The following SGCZ variants were observed in gnomAD, a reference collection of about 807,000 sequenced individuals.
The protein encoded by SGCZ is zeta-sarcoglycan.
SGCZ carries 40 observed loss-of-function variants against 41.3 expected under a neutral mutation model. That is an observed-to-expected ratio of 0.97 (90% confidence interval 0.75 to 1.26). The LOEUF is 1.26. Among genes scored for constraint, SGCZ ranks in the 50% most tolerant of loss-of-function variants. The pLI, the probability that SGCZ is intolerant of heterozygous loss-of-function variation, is 0.00. For synonymous variants in SGCZ, 206 were observed against 137.5 expected, an observed-to-expected ratio of 1.50 and a Z score of -3.49; for missense variants, 552 against 369.8, an observed-to-expected ratio of 1.49 and a Z score of -4.04.
At chr8:14,988,937 A>G (rs1801918720) in intron 1 of SGCZ, among the ~76,000 whole-genome samples, 1 of 152,204 alleles carries the variant, frequency 6.6e-6, no homozygotes, top group Admixed American at 6.5e-5. Context: ...CGAAGCCTGG[A>G]AAAATGAGTA....
At chr8:15,010,485 T>C (rs1802784393) in intron 1 of SGCZ, among the ~76,000 whole-genome samples, 1 of 152,200 alleles carries the variant, frequency 6.6e-6, no homozygotes, top group African/African-American at 2.4e-5. Context: ...ATGTTGGTGG[T>C]CATTTCTGAG....
chr8:14,649,668 C>G (rs992956903), intron 1 of SGCZ, among the ~76,000 whole-genome samples: 1 of 152,044 alleles, frequency 6.6e-6, no homozygotes, highest in Admixed American at 6.6e-5. Flanking sequence ...TAAACACAAG[C>G]CTAATTGCTA....
intron 2 of SGCZ, among the ~76,000 whole-genome samples, chr8:14,343,461 G>A (rs1050336235): frequency 2.4e-4 from 37 of 152,186 alleles, no homozygotes; most frequent in African/African-American, 7.5e-4. Context: ...AAAGAGAGAT[G>A]AAGAGAGTTA....
intron 2 of SGCZ, among the ~76,000 whole-genome samples, chr8:14,553,219 T>C (rs1437958528): frequency 6.6e-6 from 1 of 151,954 alleles, no homozygotes; most frequent in Middle Eastern, 3.2e-3. Flanking sequence ...TTGTTGATAT[T>C]TGTGTCAAAA....
At chr8:15,035,161 AAC>A (rs1803829135) in intron 1 of SGCZ, among the ~76,000 whole-genome samples, 1 of 152,112 alleles carries the variant, frequency 6.6e-6, no homozygotes, top group Non-Finnish European at 1.5e-5. Context: ...TGCTAGGGGA[AAC>A]ACAATATAAA....
At chr8:15,097,835 CGTGTGTGTAT>C (rs1806418939) in intron 1 of SGCZ, among the ~76,000 whole-genome samples, 5 of 102,694 alleles carry the variant, frequency 4.9e-5, no homozygotes, top group Non-Finnish European at 9.5e-5. Flanking sequence ...TATATATATA[CGTGTGTGTAT>C]ATATATATAT....
intron 4 of SGCZ, among the ~76,000 whole-genome samples, chr8:14,192,283 A>G (rs905787645): frequency 1.9e-4 from 29 of 152,124 alleles, no homozygotes; most frequent in African/African-American, 7.0e-4. Flanking sequence ...AAGGTAGTAA[A>G]GAATACTGCT....
At chr8:14,344,502 A>C (rs1802823960) in intron 2 of SGCZ, among the ~76,000 whole-genome samples, 1 of 152,138 alleles carries the variant, frequency 6.6e-6, no homozygotes, top group African/African-American at 2.4e-5. Flanking sequence ...AGAGCAGATA[A>C]ACAACATCTT....
intron 3 of SGCZ, chr8:14,309,714 A>G (rs1171321022): frequency 1.2e-6 from 2 of 1,607,912 alleles, no homozygotes; most frequent in African/African-American, 2.7e-5. Context: ...GACTGAGTTA[A>G]GCAATCGAGA....
intron 1 of SGCZ, among the ~76,000 whole-genome samples, chr8:15,106,075 A>G (rs1806813022): frequency 6.6e-6 from 1 of 152,198 alleles, no homozygotes; most frequent in African/African-American, 2.4e-5. Flanking sequence ...ACATTACAAT[A>G]TGCTGTAATA....
intron 4 of SGCZ, among the ~76,000 whole-genome samples, chr8:14,170,947 A>C (rs941325419): frequency 2.0e-5 from 3 of 152,104 alleles, no homozygotes; most frequent in African/African-American, 7.2e-5. Flanking sequence ...GAAGAAAAAA[A>C]GGATAATAAT....
At chr8:14,497,347 G>C (rs568818536) in intron 2 of SGCZ, among the ~76,000 whole-genome samples, 1 of 152,044 alleles carries the variant, frequency 6.6e-6, no homozygotes, top group Non-Finnish European at 1.5e-5. Flanking sequence ...AGAAGGGAGA[G>C]GTCCAAGTCT....
chr8:14,272,532 T>C (rs559028759), intron 3 of SGCZ, among the ~76,000 whole-genome samples: 25 of 152,304 alleles, frequency 1.6e-4, no homozygotes, highest in Non-Finnish European at 3.2e-4. Context: ...TAATATGACA[T>C]GACTGAACTT....
At chr8:14,754,144 T>C (rs367754213) in intron 1 of SGCZ, among the ~76,000 whole-genome samples, 2 of 152,182 alleles carry the variant, frequency 1.3e-5, no homozygotes, top group East Asian at 3.9e-4. Flanking sequence ...TGTTGACATA[T>C]ATTTAGGGGA....
chr8:14,572,320 A>C (rs754293341), intron 1 of SGCZ, among the ~76,000 whole-genome samples: 3 of 152,156 alleles, frequency 2.0e-5, no homozygotes, highest in African/African-American at 4.8e-5. Flanking sequence ...CTGTAACAAA[A>C]TGAAAAGGAA....
At chr8:14,203,768 G>GT (rs1315639636) in intron 4 of SGCZ, among the ~76,000 whole-genome samples, 5 of 152,110 alleles carry the variant, frequency 3.3e-5, no homozygotes, top group Admixed American at 2.6e-4. Context: ...AATGCACTTA[G>GT]TATTGATGGG....
At chr8:14,705,044 T>C (rs1213425496) in intron 1 of SGCZ, among the ~76,000 whole-genome samples, 2 of 152,044 alleles carry the variant, frequency 1.3e-5, no homozygotes, top group East Asian at 1.9e-4. Context: ...CAGATTTTTA[T>C]TGTTAATTTC....
chr8:14,721,404 C>G (rs187428122), intron 1 of SGCZ, among the ~76,000 whole-genome samples: 1 of 152,280 alleles, frequency 6.6e-6, no homozygotes, highest in African/African-American at 2.4e-5. Flanking sequence ...GTGCTTTTAT[C>G]TGAAAACCTG....
chr8:14,825,845 C>A (rs1435470067), intron 1 of SGCZ, among the ~76,000 whole-genome samples: 1 of 152,152 alleles, frequency 6.6e-6, no homozygotes, highest in Non-Finnish European at 1.5e-5. Context: ...ACATGATATT[C>A]TTCAGACTCA....
Sources: gnomAD v4.1 joint callset for allele counts (sites outside exome capture counted in the v4.1 genomes callset) on GRCh38, gnomAD v4.1.1 for gene constraint, MANE v1.5 for transcripts, NCBI Gene and HGNC (gene_info 2026-07-23, HGNC 2026-07-21) for gene names.